SHPRH: variants seen among roughly 807,000 people sequenced by gnomAD.
The protein encoded by SHPRH is E3 ubiquitin-protein ligase SHPRH.
In SHPRH, 106 loss-of-function variants were observed where a neutral mutation model predicts 202.5. The ratio of observed to expected loss-of-function variants is 0.52; its 90% confidence interval spans 0.45 to 0.62. SHPRH has a LOEUF of 0.62. SHPRH is among the 20% of genes least tolerant of loss of function. The probability of loss-of-function intolerance (pLI) is 0.00; values close to 1 mark genes in which losing one functional copy is unlikely to be tolerated. For synonymous variants in SHPRH, 729 were observed against 686.0 expected (o/e 1.06, Z -0.98); for missense variants, 1,710 against 2,020.0 (o/e 0.85, Z 2.94).
At chr6:145,893,495 G>A (rs1398208117) in intron 27 of SHPRH, 102 bp from the exon 28 acceptor site, 1 of 1,082,764 alleles carries the variant, frequency 9.2e-7, no homozygotes, top group African/African-American at 1.7e-5. Context: ...TATTACTATT[G>A]TGAAAGGTAA....
At chr6:145,940,535 C>T (rs1786657838) in intron 11 of SHPRH, among the ~76,000 whole-genome samples, 188 bp downstream of exon 11, 1 of 151,986 alleles carries the variant, frequency 6.6e-6, no homozygotes. Flanking sequence ...TCCTCATATA[C>T]ATAAACAGAA....
Position 145,933,245 on chromosome 6 carries a change from T to C in SHPRH, c.2991-67A>G, listed in dbSNP as rs1425460030. The C allele has an allele frequency of 4.4e-6, 7 of 1,609,110 alleles. No individual in the cohort carries two copies. The African/African-American group carries it at 9.4e-5, about 22-fold the overall frequency. The stretch of plus-strand genomic sequence containing the variant: ...CCAAGTGTGACTTCAGTGGGAGTGT[T>C]ATATCTCACATGATCAAGAGTGTAT... On this transcript the variant is annotated intron_variant, in intron 13 of 29. Coordinates refer to ENST00000275233, the MANE Select transcript of SHPRH (RefSeq NM_001042683.3).
At position 145,945,624 on chromosome 6, in the gene SHPRH, C is replaced by G. The variant is rs1053866493; in HGVS notation, c.1335G>C (p.Met445Ile). 2.5e-6 allele frequency: 4 copies of G among 1,609,932 alleles called. No homozygotes were observed. The highest frequency in any genetic ancestry group is 3.4e-6 in the Non-Finnish European group (4 of 1,178,572). Residue 445 changes from methionine (M) to isoleucine (I), a missense_variant, in exon 8 of 30, where the codon ATG becomes ATC. Coordinates refer to ENST00000275233, the MANE Select transcript of SHPRH (RefSeq NM_001042683.3). ...TCATTTCTTTCACAGCTGTCAGTAT[C>G]ATCACACGTGTAGCTAAATGTAAAA... Reference protein sequence around the residue: ...EKVQCPPTRVMILTAVKEMNG... With the variant: ...EKVQCPPTRVIILTAVKEMNG...
chr6:145,886,909 A>T, intron 29 of SHPRH, 122 bp from the exon 30 acceptor site: 1 of 952,862 alleles, frequency 1.0e-6, no homozygotes, highest in Non-Finnish European at 1.5e-6. Flanking sequence ...GATATAAGAA[A>T]CTCCCAGAGG....
rs1789419174 is a variant in SHPRH, at chr6:145,964,189, T to C, written c.-491A>G. ...GGTTCTCCGAGCCTCTTGAGTCTGT[T>C]TGCACCAGGCCTGCGCTCCTCTACA... On this transcript the variant is annotated 5_prime_UTR_variant, in exon 1 of 30. Coordinates refer to ENST00000275233, the MANE Select transcript of SHPRH (RefSeq NM_001042683.3). 2.6e-5 allele frequency: 4 copies of C among 152,378 alleles called. No homozygotes were observed. Among genetic ancestry groups the C allele is most frequent in the African/African-American group, 9.7e-5 (4 of 41,442 alleles). The allele number at this position is 152,378 out of a possible 1,614,324, so 9.4% of individuals were successfully genotyped here.
At chr6:145,939,261 T>C (rs1395738369) in intron 11 of SHPRH, among the ~76,000 whole-genome samples, 1 of 152,160 alleles carries the variant, frequency 6.6e-6, no homozygotes, top group Non-Finnish European at 1.5e-5. Context: ...AAAAGCTCTT[T>C]TGGAGCTGAC....
chr6:145,963,390 A>G (rs557092586), intron 1 of SHPRH, among the ~76,000 whole-genome samples: 4 of 152,322 alleles, frequency 2.6e-5, no homozygotes, highest in East Asian at 3.9e-4. Flanking sequence ...GAAGGCATCA[A>G]ACATCTCGGA....
At chr6:145,865,008 T>C (rs1039507612) in intron 2 of SHPRH, among the ~76,000 whole-genome samples, 1 of 152,060 alleles carries the variant, frequency 6.6e-6, no homozygotes, top group Non-Finnish European at 1.5e-5. Context: ...TCTATTTATT[T>C]CTAGTATGGA....
intron 2 of SHPRH, among the ~76,000 whole-genome samples, chr6:145,952,795 A>T (rs1250845507): frequency 6.6e-6 from 1 of 152,140 alleles, no homozygotes; most frequent in Non-Finnish European, 1.5e-5. Flanking sequence ...CTGATGAATT[A>T]ATCAGTCAAG....
Position 145,941,764 on chromosome 6 carries a change from A to T in SHPRH, c.2349T>A (p.Asp783Glu), listed in dbSNP as rs1786804278. The change falls in exon 10 of 30, where the codon GAT becomes GAA. Residue 783 changes from aspartate (D) to glutamate (E), a missense_variant. Physicochemically the swap from Asp to Glu is conservative, Grantham distance 45 (BLOSUM62 2). Coordinates refer to ENST00000275233, the MANE Select transcript of SHPRH (RefSeq NM_001042683.3). ...CATCCTCACTATTGCTATGTGGGAT[A>T]TCGACATAATTTAATTCTGAACGCA... ...DVLRSELNYV[D>E]IPHSNSEDGR... 1 of 1,614,070 alleles carries T rather than the reference A, an allele frequency of 6.2e-7. No homozygotes were observed. Among genetic ancestry groups the T allele is most frequent in the Non-Finnish European group, 8.5e-7 (1 of 1,179,980 alleles).
chr6:145,926,243 C>T lies in SHPRH; in HGVS notation c.3255G>A (p.Gly1085=), dbSNP rs760346321. 5 of 1,612,846 alleles carry T rather than the reference C, an allele frequency of 3.1e-6. No individual in the cohort carries two copies. The African/African-American group carries it at 5.3e-5, about 17-fold the overall frequency. The change falls in exon 16 of 30, where the codon GGG becomes GGA. Residue 1085 remains glycine (G), a synonymous_variant. Coordinates refer to ENST00000275233, the MANE Select transcript of SHPRH (RefSeq NM_001042683.3). ...GGCCATCACGCAAGGTAGGTGGTAT[C>T]CCTGGGTGCCTGGCTATCAACAATT... ...LMELLIARHP[G]IPPTLRDGRL...
At chr6:145,890,838 A>G (rs562990053) in intron 28 of SHPRH, among the ~76,000 whole-genome samples, 1 of 152,266 alleles carries the variant, frequency 6.6e-6, no homozygotes, top group African/African-American at 2.4e-5. Flanking sequence ...CCATGGTGTT[A>G]TCCTTGACCC....
At chr6:145,912,514 T>C (rs1783586564) in intron 24 of SHPRH, among the ~76,000 whole-genome samples, 1 of 152,144 alleles carries the variant, frequency 6.6e-6, no homozygotes, top group South Asian at 2.1e-4. Context: ...CTTTATGTCA[T>C]GATTTCTTCC....
At chr6:145,936,980 T>C (rs1562345088) in intron 11 of SHPRH, among the ~76,000 whole-genome samples, 2 of 22,248 alleles carry the variant, frequency 9.0e-5, no homozygotes, top group African/African-American at 2.3e-4. Context: ...TGCTTCATCT[T>C]TTTTTTTTTT....
chr6:145,949,830 A>C (rs1404480228), intron 4 of SHPRH, among the ~76,000 whole-genome samples: 2 of 152,112 alleles, frequency 1.3e-5, no homozygotes, highest in African/African-American at 2.4e-5. Flanking sequence ...AAAAAAATGC[A>C]AAGTCTAGGA....
intron 22 of SHPRH, 84 bp downstream of exon 22, chr6:145,919,264 C>G: frequency 6.5e-7 from 1 of 1,549,424 alleles, no homozygotes; most frequent in Non-Finnish European, 8.8e-7. Context: ...GAGCTCAGTG[C>G]CCTGATTCTG....
chr6:145,880,349 C>T (rs1185975493), downstream of SHPRH, among the ~76,000 whole-genome samples: 2 of 152,054 alleles, frequency 1.3e-5, no homozygotes, highest in East Asian at 3.9e-4. Flanking sequence ...AAAATACAGG[C>T]TGAGTGCAGT....
chr6:145,858,666 A>G, the SHPRH span, among the ~76,000 whole-genome samples: 2 of 152,082 alleles, frequency 1.3e-5, no homozygotes, highest in African/African-American at 4.8e-5. Context: ...CATGGATGTC[A>G]AAACTTATCA....
rs1159171917 is a variant in SHPRH, at chr6:145,922,354, A to G, written c.3720-6T>C. ...CAGCTTTACAAAAGACACAGCTGAA[A>G]AAAAAGAGATTAACAGAAATATTCA... On this transcript the variant is annotated splice_region_variant and splice_polypyrimidine_tract_variant and intron_variant, in intron 19 of 29. Coordinates refer to ENST00000275233, the MANE Select transcript of SHPRH (RefSeq NM_001042683.3). 6.4e-7 allele frequency: 1 copy of G among 1,558,204 alleles called. No individual in the cohort carries two copies. The highest frequency in any genetic ancestry group is 8.6e-7 in the Non-Finnish European group (1 of 1,162,786).
Sources: gnomAD v4.1 joint callset for allele counts (sites outside exome capture counted in the v4.1 genomes callset) on GRCh38, gnomAD v4.1.1 for gene constraint, MANE v1.5 for transcripts, NCBI Gene and HGNC (gene_info 2026-07-23, HGNC 2026-07-21) for gene names.